The following ASAP1 variants were observed in gnomAD, a reference collection of about 807,000 sequenced individuals.
ASAP1 encodes ArfGAP with SH3 domain, ankyrin repeat and PH domain 1, also known as arf-GAP with SH3 domain, ANK repeat and PH domain-containing protein 1.
A neutral mutation model predicts 145.2 loss-of-function variants in ASAP1; 43 were observed. The observed-to-expected ratio is 0.30, with a 90% CI of 0.23 to 0.38. The LOEUF (loss-of-function observed/expected upper bound fraction) is 0.38. Among genes scored for constraint, ASAP1 ranks in the 10% least tolerant of loss-of-function variants. The probability of loss-of-function intolerance (pLI) is 1.00; values close to 1 mark genes in which losing one functional copy is unlikely to be tolerated. For synonymous variants in ASAP1, 546 were observed against 515.5 expected (o/e 1.06, Z -0.80); for missense variants, 1,018 against 1,355.3 (o/e 0.75, Z 3.91).
At chr8:130,156,224 C>A (rs895164151) in intron 12 of ASAP1, among the ~76,000 whole-genome samples, 1 of 152,146 alleles carries the variant, frequency 6.6e-6, no homozygotes, top group Non-Finnish European at 1.5e-5. Flanking sequence ...AATCACAGGA[C>A]ATATCAGTGG....
intron 3 of ASAP1, among the ~76,000 whole-genome samples, chr8:130,243,970 G>A (rs1818697848): frequency 6.6e-6 from 1 of 152,146 alleles, no homozygotes; most frequent in East Asian, 1.9e-4. Context: ...AAAACAATAG[G>A]AGATGTGCAG....
At chr8:130,093,257 T>C (rs61123306) in intron 24 of ASAP1, among the ~76,000 whole-genome samples, 1,687 of 152,282 alleles carry the variant, frequency 0.011, 28 homozygotes, top group African/African-American at 0.039. Context: ...CAAAGTGACA[T>C]TGAAGTGGCT....
At chr8:130,060,258 T>G (rs538154997) in intron 28 of ASAP1, among the ~76,000 whole-genome samples, 1 of 152,320 alleles carries the variant, frequency 6.6e-6, no homozygotes, top group Non-Finnish European at 1.5e-5. Context: ...CATTTGTCAC[T>G]GTATTTAATC....
chr8:130,141,890 T>C (rs1239768988), intron 13 of ASAP1, among the ~76,000 whole-genome samples: 1 of 151,920 alleles, frequency 6.6e-6, no homozygotes, highest in South Asian at 2.1e-4. Context: ...ACTAATTTTT[T>C]AAATTTTTGT....
In ASAP1 at chr8:130,052,820, G is replaced by C. The variant is rs2097395960; in HGVS notation, c.*1911C>G. On this transcript the variant is annotated 3_prime_UTR_variant, in exon 30 of 30. Transcript: ENST00000518721. ...CCACAGAAAAGAACAGCTCTTTAAT[G>C]CAAGTTAAAATGTGTAAATGAATGA... The C allele has an allele frequency of 6.9e-6, 1 of 145,718 alleles. No homozygotes were observed. Among genetic ancestry groups the C allele is most frequent in the Admixed American group, 7.2e-5 (1 of 13,968 alleles). 9.0% of individuals were successfully genotyped at this position (145,718 alleles called of 1,614,324 possible). A position where few individuals can be genotyped will look rare whatever the true frequency, so the allele number is the denominator to read the frequency against.
intron 3 of ASAP1, among the ~76,000 whole-genome samples, chr8:130,269,017 T>C (rs1820435202): frequency 6.6e-6 from 1 of 152,204 alleles, no homozygotes; most frequent in Non-Finnish European, 1.5e-5. Context: ...AAAAGTACTG[T>C]GGCTTGTACA....
intron 1 of ASAP1, among the ~76,000 whole-genome samples, chr8:130,405,578 A>T (rs1828991245): frequency 1.3e-5 from 2 of 152,202 alleles, no homozygotes; most frequent in Admixed American, 1.3e-4. Context: ...CTTGTCAGCG[A>T]GCCTCTTTAG....
intron 4 of ASAP1, among the ~76,000 whole-genome samples, chr8:130,232,632 A>C (rs1817973883): frequency 6.6e-6 from 1 of 151,892 alleles, no homozygotes; most frequent in African/African-American, 2.4e-5. Flanking sequence ...TTAAAAAAAA[A>C]AAACCAAAAA....
At chr8:130,116,553 G>C (rs1273782879) in intron 22 of ASAP1, 125 bp downstream of exon 22, 11 of 809,892 alleles carry the variant, frequency 1.4e-5, no homozygotes, top group Non-Finnish European at 2.2e-5. Context: ...TTGCTCATCT[G>C]ATTTTCTTTA....
chr8:130,407,814 G>A (rs2138619320), intron 1 of ASAP1, among the ~76,000 whole-genome samples: 1 of 152,300 alleles, frequency 6.6e-6, no homozygotes, highest in African/African-American at 2.4e-5. Context: ...TTATTCAACA[G>A]AAGTGACTCC....
chr8:130,328,349 G>A (rs1373441943), intron 3 of ASAP1, among the ~76,000 whole-genome samples: 1 of 152,238 alleles, frequency 6.6e-6, no homozygotes, highest in Non-Finnish European at 1.5e-5. Context: ...CTTAAAAGCA[G>A]TGAAAGTGCA....
chr8:130,400,214 G>A (rs982331699), intron 2 of ASAP1, among the ~76,000 whole-genome samples: 12 of 152,090 alleles, frequency 7.9e-5, no homozygotes, highest in African/African-American at 2.2e-4. Context: ...TCCACTACGC[G>A]GACTTCTTAG....
At chr8:130,068,794 A>G (rs760339122) in intron 27 of ASAP1, among the ~76,000 whole-genome samples, 11 of 152,216 alleles carry the variant, frequency 7.2e-5, no homozygotes, top group Non-Finnish European at 1.0e-4. Flanking sequence ...CTCTGTATGC[A>G]TGTGGGACTG....
chr8:130,152,930 C>A (rs551031225), intron 12 of ASAP1, 125 bp from the exon 13 acceptor site: 8 of 641,214 alleles, frequency 1.2e-5, no homozygotes, highest in African/African-American at 5.5e-5. Context: ...CCAACCCCCC[C>A]AAAAAAATCC....
intron 18 of ASAP1, among the ~76,000 whole-genome samples, chr8:130,122,643 G>A (rs917615971): frequency 2.6e-5 from 4 of 152,198 alleles, no homozygotes; most frequent in South Asian, 2.1e-4. Context: ...CTTGTCCAAG[G>A]TCACATAGTT....
At chr8:130,249,989 C>T (rs1819092569) in intron 3 of ASAP1, among the ~76,000 whole-genome samples, 1 of 151,956 alleles carries the variant, frequency 6.6e-6, no homozygotes, top group Non-Finnish European at 1.5e-5. Context: ...TCTTAGCATG[C>T]TAGATTTCCT....
chr8:130,216,930 G>A (rs1816962901), intron 4 of ASAP1, among the ~76,000 whole-genome samples: 1 of 152,172 alleles, frequency 6.6e-6, no homozygotes, highest in East Asian at 1.9e-4. Context: ...CCAGCAGTCT[G>A]GTACCAACAC....
intron 3 of ASAP1, among the ~76,000 whole-genome samples, chr8:130,324,521 G>A (rs993986499): frequency 2.0e-5 from 3 of 152,224 alleles, no homozygotes; most frequent in African/African-American, 4.8e-5. Context: ...GAGGCAAACT[G>A]ACTTGGGCAA....
chr8:130,099,341 G>T (rs1356433664), intron 24 of ASAP1, among the ~76,000 whole-genome samples: 1 of 151,946 alleles, frequency 6.6e-6, no homozygotes, highest in African/African-American at 2.4e-5. Context: ...ACCACGCCTG[G>T]CTAATTTTTT....
Sources: gnomAD v4.1 joint callset for allele counts (sites outside exome capture counted in the v4.1 genomes callset) on GRCh38, gnomAD v4.1.1 for gene constraint, MANE v1.5 for transcripts, NCBI Gene and HGNC (gene_info 2026-07-23, HGNC 2026-07-21) for gene names.